MSRA: variants seen among roughly 807,000 people sequenced by gnomAD.
MSRA encodes the protein methionine sulfoxide reductase A.
In MSRA, 54 loss-of-function variants were observed where a neutral mutation model predicts 31.3. The ratio of observed to expected loss-of-function variants is 1.73; its 90% CI spans 1.39 to 2.17. MSRA has a LOEUF of 2.17. Ranked by LOEUF, MSRA falls within the 30% of genes most tolerant of loss-of-function variation. MSRA has a pLI of 0.00. For synonymous variants in MSRA, 169 were observed against 116.5 expected, an observed-to-expected ratio of 1.45 and a Z score of -2.90; for missense variants, 507 against 300.9, an observed-to-expected ratio of 1.69 and a Z score of -5.07.
At chr8:10,245,985 G>A (rs114019004) in intron 3 of MSRA, among the ~76,000 whole-genome samples, 13 of 152,198 alleles carry the variant, frequency 8.5e-5, no homozygotes, top group Admixed American at 2.0e-4. Context: ...ACTGAAAGCC[G>A]TGCTATAATG....
chr8:10,184,671 T>G (rs1468465999), intron 1 of MSRA, among the ~76,000 whole-genome samples: 1 of 152,236 alleles, frequency 6.6e-6, no homozygotes, highest in Non-Finnish European at 1.5e-5. Flanking sequence ...TCTCCCCATT[T>G]GTTTTCACTG....
At chr8:10,259,396 G>C (rs1001483758) in intron 3 of MSRA, among the ~76,000 whole-genome samples, 1 of 152,180 alleles carries the variant, frequency 6.6e-6, no homozygotes, top group Non-Finnish European at 1.5e-5. Flanking sequence ...TTAATTCACA[G>C]GTTGGTGAAA....
intron 2 of MSRA, among the ~76,000 whole-genome samples, chr8:10,227,706 A>C (rs1340631751): frequency 2.0e-5 from 3 of 152,228 alleles, no homozygotes; most frequent in Non-Finnish European, 4.4e-5. Context: ...GAAAAGAAAA[A>C]TTAATCAAAT....
rs141069053 is a variant in MSRA at position 10,293,378 on chromosome 8, C to T, written c.332-8156C>T. ...GCTCTTGCTTTGGATGCCCTCCCCGCCCCACAAGTCATCTGCCGTGACCGC... is the reference window on the plus strand; with the variant it reads ...GCTCTTGCTTTGGATGCCCTCCCCGTCCCACAAGTCATCTGCCGTGACCGC... On this transcript the variant is annotated intron_variant, in intron 3 of 5. Coordinates refer to ENST00000317173, the MANE Select transcript of MSRA (RefSeq NM_012331.5). Among the ~76,000 whole-genome samples the T allele has an allele frequency of 6.2e-3, 942 of 152,294 alleles. 7 individuals are homozygous for T. Among genetic ancestry groups the T allele is most frequent in the African/African-American group, 0.022 (909 of 41,550 alleles).
At chr8:10,366,373 C>T (rs1233388558) in intron 5 of MSRA, among the ~76,000 whole-genome samples, 1 of 152,222 alleles carries the variant, frequency 6.6e-6, no homozygotes, top group Non-Finnish European at 1.5e-5. Flanking sequence ...GATGCGAGGG[C>T]CCCAGGCTGG....
chr8:10,157,665 T>A (rs974689470), intron 1 of MSRA, among the ~76,000 whole-genome samples: 1 of 152,076 alleles, frequency 6.6e-6, no homozygotes, highest in Admixed American at 6.6e-5. Context: ...ATATCAAATA[T>A]GAGAGTCAGA....
chr8:10,103,687 C>T (rs1799681991), intron 1 of MSRA, among the ~76,000 whole-genome samples: 1 of 151,676 alleles, frequency 6.6e-6, no homozygotes, highest in African/African-American at 2.4e-5. Context: ...CTGTTTATTC[C>T]AATAGACTGT....
intron 2 of MSRA, among the ~76,000 whole-genome samples, chr8:10,225,989 C>G (rs891423104): frequency 2.0e-5 from 3 of 152,146 alleles, no homozygotes; most frequent in Non-Finnish European, 4.4e-5. Flanking sequence ...GTGTGAAATT[C>G]CTCAGATTCA....
At chr8:10,392,178 C>G (rs1806788622) in intron 5 of MSRA, among the ~76,000 whole-genome samples, 1 of 152,192 alleles carries the variant, frequency 6.6e-6, no homozygotes, top group African/African-American at 2.4e-5. Context: ...ACCTGCTAGA[C>G]TAGGTCAGGG....
intron 1 of MSRA, among the ~76,000 whole-genome samples, chr8:10,149,917 TTTG>T (rs1271148437): frequency 2.0e-4 from 1 of 5,008 alleles, no homozygotes; most frequent in Non-Finnish European, 8.7e-4. Flanking sequence ...TTTTTTTTTT[TTTG>T]GCCAACTTTA....
intron 5 of MSRA, among the ~76,000 whole-genome samples, chr8:10,335,109 C>T (rs1339672774): frequency 6.6e-6 from 1 of 152,230 alleles, no homozygotes; most frequent in African/African-American, 2.4e-5. Flanking sequence ...CCGCACCGTG[C>T]GCCCCACCCA....
intron 2 of MSRA, among the ~76,000 whole-genome samples, chr8:10,221,102 G>C (rs67943945): frequency 1.3e-5 from 2 of 152,146 alleles, no homozygotes; most frequent in African/African-American, 2.4e-5. Context: ...CATGGAGTCT[G>C]TGTGGGGCTC....
chr8:10,063,885 G>A (rs564157232), intron 1 of MSRA, among the ~76,000 whole-genome samples: 25 of 152,104 alleles, frequency 1.6e-4, no homozygotes, highest in Non-Finnish European at 3.1e-4. Flanking sequence ...TTTTTTCCTT[G>A]CAGCCCTGTC....
rs1473599133 is a variant in MSRA at position 10,108,492 on chromosome 8, C to T, written c.142+53834C>T. On this transcript the variant is annotated intron_variant, in intron 1 of 5. Transcript: ENST00000317173. ...TAGAACTGCTGGTTCCTCTCTTCCA[C>T]AAAGACTTTTTTTTCCTGATTTATA... Among the ~76,000 whole-genome samples the T allele has an allele frequency of 2.0e-5, 3 of 152,198 alleles. No individual in the cohort carries two copies. The East Asian group carries it at 5.8e-4, about 29-fold the overall frequency.
At chr8:10,081,393 T>C (rs546686056) in intron 1 of MSRA, among the ~76,000 whole-genome samples, 1 of 152,170 alleles carries the variant, frequency 6.6e-6, no homozygotes, top group Non-Finnish European at 1.5e-5. Flanking sequence ...AATTCTGGAG[T>C]GTGTGTGTGA....
chr8:10,211,534 C>T (rs1809494956), intron 2 of MSRA, among the ~76,000 whole-genome samples: 1 of 152,100 alleles, frequency 6.6e-6, no homozygotes, highest in Non-Finnish European at 1.5e-5. Flanking sequence ...AAAAGTGGAG[C>T]CACACATTTT....
chr8:10,346,185 G>A (rs1220766085), intron 5 of MSRA, among the ~76,000 whole-genome samples: 2 of 152,158 alleles, frequency 1.3e-5, no homozygotes, highest in Non-Finnish European at 2.9e-5. Context: ...GTGACTTGGG[G>A]TCCTGACCTC....
At chr8:10,100,688 C>A (rs1031568650) in intron 1 of MSRA, among the ~76,000 whole-genome samples, 4 of 152,116 alleles carry the variant, frequency 2.6e-5, no homozygotes, top group African/African-American at 4.8e-5. Context: ...ACCACCTCTG[C>A]AAAGCTCGAC....
At chr8:10,077,214 A>G (rs1040994654) in intron 1 of MSRA, among the ~76,000 whole-genome samples, 1 of 152,180 alleles carries the variant, frequency 6.6e-6, no homozygotes, top group African/African-American at 2.4e-5. Context: ...TTTTGCCAAC[A>G]ATGATGGGCA....
Sources: gnomAD v4.1 joint callset for allele counts (sites outside exome capture counted in the v4.1 genomes callset) on GRCh38, gnomAD v4.1.1 for gene constraint, MANE v1.5 for transcripts, NCBI Gene and HGNC (gene_info 2026-07-23, HGNC 2026-07-21) for gene names.